The following ARHGAP25 variants were observed in gnomAD, a reference collection of about 807,000 sequenced individuals.
The protein encoded by ARHGAP25 is Rho GTPase activating protein 25.
ARHGAP25 carries 34 observed loss-of-function variants against 71.0 expected under a neutral mutation model. The observed-to-expected ratio is 0.48, with a 90% CI of 0.36 to 0.64. The LOEUF is 0.64. Among genes scored for constraint, ARHGAP25 ranks in the 30% least tolerant of loss-of-function variants. The probability of loss-of-function intolerance (pLI) is 0.00; values close to 1 mark genes in which losing one functional copy is unlikely to be tolerated. For missense variants in ARHGAP25, 706 were observed against 805.1 expected (o/e 0.88, Z 1.49); for synonymous variants, 282 against 296.5 (o/e 0.95, Z 0.50).
chr2:68,773,279 TA>T (rs1677607788), intron 1 of ARHGAP25, among the ~76,000 whole-genome samples: 1 of 152,162 alleles, frequency 6.6e-6, no homozygotes, highest in South Asian at 2.1e-4. Context: ...TGATTATAAA[TA>T]AAGATTGAGA....
rs773241721 is a variant in ARHGAP25, at chr2:68,807,478, C to A, written c.672C>A (p.Asp224Glu). ...ATGCTGGGGAGCGGCCCTCCTTTGA[C>A]AGGTACATTGCCCCACTGCAGTGTC... The part of the protein sequence containing the change: ...AFDAGERPSF[D>E]RDTDVHTVAS... Residue 224 changes from aspartate (D) to glutamate (E), a missense_variant and splice_region_variant, in exon 5 of 11, where the codon GAC becomes GAA. Coordinates refer to ENST00000409202, the MANE Select transcript of ARHGAP25 (RefSeq NM_001007231.3). 1 of 1,613,976 alleles carries A rather than the reference C, an allele frequency of 6.2e-7. No homozygotes were observed. The highest frequency in any genetic ancestry group is 1.1e-5 in the South Asian group (1 of 91,072).
At chr2:68,738,802 CAG>C (rs769485582) in intron 1 of ARHGAP25, among the ~76,000 whole-genome samples, 94 of 138,848 alleles carry the variant, frequency 6.8e-4, no homozygotes, top group Non-Finnish European at 9.2e-4. Flanking sequence ...GCTTGGGCGA[CAG>C]AGCAAGACTC....
At chr2:68,809,738 C>A (rs764387507) in intron 5 of ARHGAP25, among the ~76,000 whole-genome samples, 1 of 152,146 alleles carries the variant, frequency 6.6e-6, no homozygotes, top group African/African-American at 2.4e-5. Context: ...CCCAACTTCA[C>A]GGCTGTGGGA....
chr2:68,815,596 G>A (rs7592302), intron 6 of ARHGAP25, among the ~76,000 whole-genome samples: 31,041 of 151,766 alleles, frequency 0.2, 3,424 homozygotes, highest in East Asian at 0.44. Context: ...GGTTACAGCC[G>A]TCCGCCACCA....
intron 1 of ARHGAP25, among the ~76,000 whole-genome samples, chr2:68,754,348 A>C (rs1156546241): frequency 6.6e-6 from 1 of 152,148 alleles, no homozygotes; most frequent in Non-Finnish European, 1.5e-5. Context: ...TGAAATGATA[A>C]TGTGTGTTTT....
At chr2:68,715,997 G>A (rs943123327) in intron 2 of ARHGAP25, among the ~76,000 whole-genome samples, 87 of 152,234 alleles carry the variant, frequency 5.7e-4, no homozygotes, top group African/African-American at 1.9e-3. Context: ...TTCTGAGTCC[G>A]GGGCCCTTCT....
At chr2:68,819,039 G>T in intron 8 of ARHGAP25, 84 bp from the exon 9 acceptor site, 2 of 1,243,930 alleles carry the variant, frequency 1.6e-6, no homozygotes, top group Non-Finnish European at 2.2e-6. Context: ...AACCGAGTTT[G>T]GAGACATCCA....
chr2:68,726,291 T>C (rs550236513), intron 2 of ARHGAP25, among the ~76,000 whole-genome samples: 2 of 152,288 alleles, frequency 1.3e-5, no homozygotes, highest in East Asian at 3.9e-4. Context: ...TGTGGAAATA[T>C]ATGAGATTGT....
At chr2:68,775,653 T>C in intron 2 of ARHGAP25, 1 of 677,462 alleles carries the variant, frequency 1.5e-6, no homozygotes, top group Non-Finnish European at 2.6e-6. Flanking sequence ...TTCCTACACA[T>C]GGCTCTGAGT....
intron 3 of ARHGAP25, 75 bp from the exon 4 acceptor site, chr2:68,787,765 T>G: frequency 8.3e-7 from 1 of 1,204,046 alleles, no homozygotes; most frequent in East Asian, 2.3e-5. Flanking sequence ...AATTTAGGTC[T>G]GGTTCCCTTC....
chr2:68,748,630 A>G (rs965552293), intron 1 of ARHGAP25, among the ~76,000 whole-genome samples: 1 of 150,432 alleles, frequency 6.6e-6, no homozygotes, highest in Non-Finnish European at 1.5e-5. Flanking sequence ...ATGAGTCCAA[A>G]GCATTTTTTT....
In ARHGAP25 at chr2:68,782,302, G is replaced by T. The variant is rs1453908369; in HGVS notation, c.331G>T (p.Val111Phe). 13 of 1,614,014 alleles carry T rather than the reference G, an allele frequency of 8.1e-6. No individual in the cohort carries two copies. The highest frequency in any genetic ancestry group is 1.6e-4 in the Middle Eastern group (1 of 6,084). The change falls in exon 3 of 11, where the codon GTC becomes TTC. Residue 111 changes from valine (V) to phenylalanine (F), a missense_variant. Val to Phe is a conservative substitution (Grantham distance 50). Transcript: ENST00000409202. ...ATNPEEAGKF[V>F]FEIIPASWDQ... ...AAACCCAGAAGAAGCTGGGAAGTTT[G>T]TCTTTGAAATCATTCCAGGTAGGCC...
At chr2:68,746,333 A>T (rs1412154494) in intron 1 of ARHGAP25, among the ~76,000 whole-genome samples, 1 of 152,120 alleles carries the variant, frequency 6.6e-6, no homozygotes, top group Non-Finnish European at 1.5e-5. Flanking sequence ...CCTGGACAAC[A>T]GGGGCCTCCA....
At chr2:68,758,570 A>G (rs1676619478) in intron 1 of ARHGAP25, among the ~76,000 whole-genome samples, 1 of 151,978 alleles carries the variant, frequency 6.6e-6, no homozygotes, top group South Asian at 2.1e-4. Context: ...AACAATAATA[A>G]ACATTTACAC....
Position 68,782,332 on chromosome 2 carries a change from C to A in ARHGAP25, c.349+12C>A. The A allele has an allele frequency of 6.2e-7, 1 of 1,612,988 alleles. No homozygotes were observed. The highest frequency in any genetic ancestry group is 8.5e-7 in the Non-Finnish European group (1 of 1,178,966). ...TGAAATCATTCCAGGTAGGCCACCACAGGTAGGACAGAGGTGCAGTGCAGA... is the reference window on the plus strand; with the variant it reads ...TGAAATCATTCCAGGTAGGCCACCAAAGGTAGGACAGAGGTGCAGTGCAGA... On this transcript the variant is annotated intron_variant, in intron 3 of 10. Transcript: ENST00000409202.
Position 68,817,986 on chromosome 2 carries a change from T to C in ARHGAP25, c.995T>C (p.Ile332Thr). ...TCGAAGGTCGAAGACCCTGCCGTGA[T>C]CATGAGAGGTATGGCTGGTCCCGTA... ...IRSKVEDPAV[I>T]MRGTPQIQRV... is the part of the protein sequence containing the mutation. Residue 332 changes from isoleucine to threonine, a missense_variant, in exon 8 of 11, where the codon ATC (isoleucine) becomes ACC (threonine). Ile to Thr is a moderately conservative substitution (Grantham distance 89). Transcript: ENST00000409202. 6.2e-7 allele frequency: 1 copy of C among 1,614,114 alleles called. No individual in the cohort carries two copies. The highest frequency in any genetic ancestry group is 8.5e-7 in the Non-Finnish European group (1 of 1,179,982).
At chr2:68,723,531 A>T (rs1168718323) in intron 2 of ARHGAP25, among the ~76,000 whole-genome samples, 1 of 152,210 alleles carries the variant, frequency 6.6e-6, no homozygotes, top group Non-Finnish European at 1.5e-5. Flanking sequence ...TGGCTCCTGC[A>T]TCCAGAGGCT....
At chr2:68,806,554 T>C (rs72830937) in intron 4 of ARHGAP25, among the ~76,000 whole-genome samples, 3,735 of 152,332 alleles carry the variant, frequency 0.025, 73 homozygotes, top group Middle Eastern at 0.044. Context: ...AGACAACTAC[T>C]ACGCGACTCC....
chr2:68,728,985 A>G (rs1674945173), intron 2 of ARHGAP25, among the ~76,000 whole-genome samples: 2 of 152,236 alleles, frequency 1.3e-5, no homozygotes, highest in South Asian at 4.1e-4. Context: ...AAGGGAAAGA[A>G]GCCGGTCACA....
Sources: allele counts gnomAD v4.1 joint callset (sites outside exome capture counted in the v4.1 genomes callset), GRCh38; gene constraint gnomAD v4.1.1; transcripts MANE v1.5; gene names NCBI Gene and HGNC (gene_info 2026-07-23, HGNC 2026-07-21).